Variants in LILRB1 observed in about 807,000 individuals in gnomAD.
LILRB1 encodes the protein leukocyte immunoglobulin-like receptor subfamily B member 1.
A neutral mutation model predicts 74.6 loss-of-function variants in LILRB1; 59 were observed. That is an observed-to-expected ratio of 0.79 (90% CI 0.64 to 0.98). The LOEUF (loss-of-function observed/expected upper bound fraction) is 0.98. Ranked by LOEUF, LILRB1 falls within the 50% of genes least tolerant of loss-of-function variation. The pLI is 0.00. For synonymous variants in LILRB1, 328 were observed against 333.9 expected, an observed-to-expected ratio of 0.98 and a Z score of 0.19; for missense variants, 804 against 822.6, an observed-to-expected ratio of 0.98 and a Z score of 0.28.
intron 1 of LILRB1, among the ~76,000 whole-genome samples, chr19:54,617,553 CTGTGTG>C (rs55635122): frequency 0.011 from 1,552 of 143,294 alleles, 24 homozygotes; most frequent in African/African-American, 0.037. Context: ...TACAGGATGT[CTGTGTG>C]TGTGTGTGTG....
At chr19:54,622,483 A>C (rs2063481242) in intron 1 of LILRB1, among the ~76,000 whole-genome samples, 1 of 152,106 alleles carries the variant, frequency 6.6e-6, no homozygotes, top group South Asian at 2.1e-4. Context: ...AACGGTACTG[A>C]TGTATAGAAA....
At chr19:54,634,098 C>T in intron 9 of LILRB1, 77 bp downstream of exon 9, 1 of 1,549,570 alleles carries the variant, frequency 6.5e-7, no homozygotes. Context: ...GGTTCAGTCT[C>T]CTCTGGAGGT....
chr19:54,633,362 T>A (rs1353386195), intron 7 of LILRB1, 44 bp downstream of exon 7: 3 of 1,584,148 alleles, frequency 1.9e-6, no homozygotes, highest in Non-Finnish European at 2.6e-6. Context: ...AAGTCTCAGC[T>A]CAGACCCTGC....
intron 1 of LILRB1, 80 bp downstream of exon 1, chr19:54,630,713 G>A (rs2063760903): frequency 2.6e-6 from 2 of 769,182 alleles, no homozygotes; most frequent in Non-Finnish European, 2.3e-6. Context: ...GAAGGAAGGA[G>A]ATGCCTCCGC....
At chr19:54,635,357 C>A in intron 12 of LILRB1, 61 bp downstream of exon 12, 2 of 1,600,940 alleles carry the variant, frequency 1.2e-6, no homozygotes, top group Admixed American at 3.3e-5. Flanking sequence ...GTTTCCGTAG[C>A]AATGGGGAAA....
At chr19:54,634,929 G>C (rs537126990) in intron 10 of LILRB1, 166 bp downstream of exon 10, 10 of 1,456,576 alleles carry the variant, frequency 6.9e-6, no homozygotes, top group Admixed American at 2.1e-5. Context: ...AGTGTCCTTC[G>C]GGCTCAGTGC....
chr19:54,617,381 A>G (rs1317023866), intron 1 of LILRB1: 1 of 152,160 alleles, frequency 6.6e-6, no homozygotes, highest in African/African-American at 2.4e-5. Flanking sequence ...CTTGCACGCT[A>G]TAGAGTTCCT....
At chr19:54,636,448 G>A (rs41308142) in intron 13 of LILRB1, 46 bp from the exon 14 acceptor site, 239,893 of 1,597,064 alleles carry the variant, frequency 0.15, 18,626 homozygotes, top group African/African-American at 0.18. Context: ...TGACTCCAGG[G>A]GGTCAGGAGG....
In LILRB1 at chr19:54,632,425, G is replaced by A. The variant is rs375956624; in HGVS notation, c.662-39G>A. On this transcript the variant is annotated intron_variant, in intron 5 of 14. Coordinates refer to ENST00000324602, the MANE Select transcript of LILRB1 (RefSeq NM_001081637.3). ...AAAGGGAAGATTTGTGGGGAAGCCT[G>A]AGGGTCGGCTCCTGGAAACCATGAC... The A allele has an allele frequency of 8.3e-6, 13 of 1,567,154 alleles. No individual in the cohort carries two copies. In the African/African-American group the frequency reaches 1.6e-4, roughly 20 times the overall value.
At position 54,631,677 on chromosome 19, in the gene LILRB1, T is replaced by A. The variant is rs748620787; in HGVS notation, c.248T>A (p.Phe83Tyr). Residue 83 changes from phenylalanine (F) to tyrosine (Y), a missense_variant, in exon 4 of 15, where the codon TTC (phenylalanine) becomes TAC (tyrosine). Physicochemically the swap from Phe to Tyr is conservative, Grantham distance 22. Coordinates refer to ENST00000324602, the MANE Select transcript of LILRB1 (RefSeq NM_001081637.3). ...IPQELVKKGQFPIPSITWEHT... is the reference protein window; with the variant it reads ...IPQELVKKGQYPIPSITWEHT... ...CAGGAGCTTGTGAAGAAGGGCCAGT[T>A]CCCCATCCCATCCATCACCTGGGAA... The A allele has an allele frequency of 1.5e-5, 24 of 1,614,280 alleles. No homozygotes were observed. The highest frequency in any genetic ancestry group is 2.0e-5 in the Non-Finnish European group (24 of 1,180,046).
intron 1 of LILRB1, among the ~76,000 whole-genome samples, chr19:54,624,795 C>G (rs2781758): frequency 0.018 from 2,745 of 152,168 alleles, 94 homozygotes; most frequent in African/African-American, 0.063. Flanking sequence ...AGGCAGAACC[C>G]TCAGGCGGGG....
At position 54,633,677 on chromosome 19, in the gene LILRB1, C is replaced by T. The variant is rs190438944; in HGVS notation, c.1301C>T (p.Thr434Ile). ...GGPSSPTTGP[T>I]STSAGPEDQP... ...CCCAGCTCCCCGACAACAGGCCCCA[C>T]CTCCACATCTGGTGAGTCCCTGAGG... The change falls in exon 8 of 15, where the codon ACC becomes ATC. Residue 434 changes from threonine to isoleucine, a missense_variant. Coordinates refer to ENST00000324602, the MANE Select transcript of LILRB1 (RefSeq NM_001081637.3). 3.7e-6 allele frequency: 6 copies of T among 1,613,730 alleles called. No individual in the cohort carries two copies. The highest frequency in any genetic ancestry group is 5.1e-6 in the Non-Finnish European group (6 of 1,179,804).
At chr19:54,618,116 G>T (rs1334458734) in intron 1 of LILRB1, among the ~76,000 whole-genome samples, 1 of 124,192 alleles carries the variant, frequency 8.1e-6, no homozygotes, top group Non-Finnish European at 1.8e-5. Context: ...AAAAAAAAAA[G>T]AAAAAAAGAA....
In LILRB1 at chr19:54,633,986, A is replaced by C. The variant is rs1478975942; in HGVS notation, c.1328A>C (p.Gln443Pro). The change falls in exon 9 of 15, where the codon CAG (glutamine) becomes CCG (proline). Residue 443 changes from glutamine (Q) to proline (P), a missense_variant. Coordinates refer to ENST00000324602, the MANE Select transcript of LILRB1 (RefSeq NM_001081637.3). ...CCTGACCCAGCAGGCCCTGAGGACC[A>C]GCCCCTCACCCCCACCGGGTCGGAT... is the stretch of plus-strand genomic sequence containing the variant. ...PTSTSAGPED[Q>P]PLTPTGSDPQ... 2 of 1,597,402 alleles carry C rather than the reference A, an allele frequency of 1.3e-6. No homozygotes were observed. Among genetic ancestry groups the C allele is most frequent in the Non-Finnish European group, 1.7e-6 (2 of 1,172,132 alleles).
intron 1 of LILRB1, among the ~76,000 whole-genome samples, chr19:54,617,799 A>C (rs2063349359): frequency 1.3e-5 from 2 of 152,106 alleles, no homozygotes; most frequent in South Asian, 4.2e-4. Context: ...GTAAGGAAAC[A>C]GGTTATGAAG....
chr19:54,636,817 C>T lies in LILRB1; in HGVS notation c.1898C>T (p.Pro633Leu), dbSNP rs1221829910. The change falls in exon 15 of 15, where the codon CCA becomes CTA. Residue 633 changes from proline to leucine, a missense_variant. Coordinates refer to ENST00000324602, the MANE Select transcript of LILRB1 (RefSeq NM_001081637.3). The stretch of plus-strand genomic sequence containing the variant: ...AGACGGGAGGCAACTGAGCCTCCTC[C>T]ATCCCAGGAAGGGCCCTCTCCAGCT... ...TLRREATEPP[P>L]SQEGPSPAVP... is the part of the protein sequence containing the mutation. 3.1e-6 allele frequency: 5 copies of T among 1,613,392 alleles called. No homozygotes were observed. In the Admixed American group the frequency reaches 5.0e-5, roughly 16 times the overall value.
Position 54,636,925 on chromosome 19 carries a change from T to A in LILRB1, c.*47T>A, listed in dbSNP as rs750382211. 4 of 1,610,656 alleles carry A rather than the reference T, an allele frequency of 2.5e-6. No homozygotes were observed. On this transcript the variant is annotated 3_prime_UTR_variant, in exon 15 of 15. Coordinates refer to ENST00000324602, the MANE Select transcript of LILRB1 (RefSeq NM_001081637.3). ...CACACTCCATGGAGTCTGGAATGCA[T>A]GGGAGCTGCCCCCCCAGTGGACACC...
chr19:54,625,689 C>T (rs1351212913), upstream of LILRB1, among the ~76,000 whole-genome samples: 1 of 150,654 alleles, frequency 6.6e-6, no homozygotes, highest in African/African-American at 2.4e-5. Flanking sequence ...CTCACCCCTT[C>T]CCCGTGTTAG....
At position 54,631,254 on chromosome 19, in the gene LILRB1, C is replaced by T. The variant is rs372912707; in HGVS notation, c.35-17C>T. 40 of 1,562,268 alleles carry T rather than the reference C, an allele frequency of 2.6e-5. No individual in the cohort carries two copies. Among genetic ancestry groups the T allele is most frequent in the South Asian group, 5.7e-5 (5 of 87,202 alleles). ...AGGCTTCAGGGGGCAAATCCCTCACCGGGAACTCTCTTCCAGGGCTGAGTC... is the reference window on the plus strand; with the variant it reads ...AGGCTTCAGGGGGCAAATCCCTCACTGGGAACTCTCTTCCAGGGCTGAGTC... On this transcript the variant is annotated splice_polypyrimidine_tract_variant and intron_variant, in intron 2 of 14. Transcript: ENST00000324602.
Sources: allele counts gnomAD v4.1 joint callset (sites outside exome capture counted in the v4.1 genomes callset), GRCh38; gene constraint gnomAD v4.1.1; transcripts MANE v1.5; gene names NCBI Gene and HGNC (gene_info 2026-07-23, HGNC 2026-07-21).